Variants in STYK1 observed in about 807,000 individuals in gnomAD.
STYK1 encodes tyrosine-protein kinase STYK1.
A neutral mutation model predicts 48.1 loss-of-function variants in STYK1; 46 were observed. The observed-to-expected ratio is 0.96, with a 90% CI of 0.75 to 1.22. STYK1 has a LOEUF of 1.22. Ranked by LOEUF, STYK1 falls within the 50% of genes most tolerant of loss-of-function variation. STYK1 has a pLI of 0.00. For missense variants in STYK1, 527 were observed against 521.1 expected, an observed-to-expected ratio of 1.01 and a Z score of -0.11; for synonymous variants, 188 against 189.0, an observed-to-expected ratio of 0.99 and a Z score of 0.04.
intron 1 of STYK1, among the ~76,000 whole-genome samples, chr12:10,649,502 A>G (rs1440666263): frequency 6.6e-6 from 1 of 152,232 alleles, no homozygotes; most frequent in East Asian, 1.9e-4. Context: ...CAAGAGTACA[A>G]TGAAATTGAC....
chr12:10,621,580 A>G (rs1171330904), intron 10 of STYK1, among the ~76,000 whole-genome samples: 1 of 152,138 alleles, frequency 6.6e-6, no homozygotes, highest in South Asian at 2.1e-4. Flanking sequence ...GAAGCTTCCC[A>G]TGGAACTAAA....
intron 8 of STYK1, 38 bp downstream of exon 8, chr12:10,624,609 GTCAT>G: frequency 6.3e-7 from 1 of 1,579,538 alleles, no homozygotes; most frequent in South Asian, 1.1e-5. Context: ...CAACACCCAA[GTCAT>G]GAAGAAAGTA....
In STYK1 at chr12:10,651,247, G is replaced by T. The variant is rs151247991; in HGVS notation, c.-194-14051C>A. 2.6e-5 allele frequency among the ~76,000 whole-genome samples: 4 copies of T among 152,162 alleles called. No homozygotes were observed. In the East Asian group the frequency reaches 7.7e-4, roughly 29 times the overall value. ...GGGCTCACTCACTTCTTTCCTTATG[G>T]TCTTTTATATCTGCCATGATAAAGG... On this transcript the variant is annotated intron_variant, in intron 1 of 10. Transcript: ENST00000075503.
At chr12:10,626,317 T>C (rs893557763) in intron 7 of STYK1, among the ~76,000 whole-genome samples, 1 of 152,126 alleles carries the variant, frequency 6.6e-6, no homozygotes, top group African/African-American at 2.4e-5. Context: ...CGGTTCTGAA[T>C]ACAGGGTAGG....
Sources: gnomAD v4.1 joint callset for allele counts (sites outside exome capture counted in the v4.1 genomes callset) on GRCh38, gnomAD v4.1.1 for gene constraint, MANE v1.5 for transcripts, NCBI Gene and HGNC (gene_info 2026-07-23, HGNC 2026-07-21) for gene names.